PPM1L: variants seen among roughly 807,000 people sequenced by gnomAD.
PPM1L encodes the protein protein phosphatase 1L.
A neutral mutation model predicts 31.4 loss-of-function variants in PPM1L; 13 were observed. That is an observed-to-expected ratio of 0.41 (90% CI 0.27 to 0.66). PPM1L has a LOEUF of 0.66. Among genes scored for constraint, PPM1L ranks in the 30% least tolerant of loss-of-function variants. The pLI is 0.29. For synonymous variants in PPM1L, 184 were observed against 175.4 expected, an observed-to-expected ratio of 1.05 and a Z score of -0.39; for missense variants, 326 against 453.7, an observed-to-expected ratio of 0.72 and a Z score of 2.56.
At chr3:160,762,923 T>A (rs1268973297) in intron 1 of PPM1L, among the ~76,000 whole-genome samples, 1 of 152,186 alleles carries the variant, frequency 6.6e-6, no homozygotes, top group South Asian at 2.1e-4. Flanking sequence ...ATTTTTAAAT[T>A]AACTGTTTTT....
At position 161,069,033 on chromosome 3, in the gene PPM1L, G is replaced by A. The variant is rs763911613; in HGVS notation, c.959G>A (p.Arg320His). 1.7e-5 allele frequency: 28 copies of A among 1,613,982 alleles called. No individual in the cohort carries two copies. Among genetic ancestry groups the A allele is most frequent in the Middle Eastern group, 1.6e-4 (1 of 6,084 alleles). Residue 320 changes from arginine (R) to histidine (H), a missense_variant, in exon 4 of 4, where the codon CGC becomes CAC. Transcript: ENST00000498165. ...NEEAVRFIKE[R>H]LDEPHFGAKS... ...GAAGCAGTTCGATTCATCAAGGAGCGCTTGGATGAACCTCACTTTGGGGCC... is the reference window on the plus strand; with the variant it reads ...GAAGCAGTTCGATTCATCAAGGAGCACTTGGATGAACCTCACTTTGGGGCC...
rs149531563 is a variant in PPM1L, at chr3:160,902,996, A to G, written c.400-58740A>G. ...AAGTTTGAACCCAGCCCTGCTACCT[A>G]TAAACTGACTTGTGGGACCTTAGAT... On this transcript the variant is annotated intron_variant, in intron 1 of 3. Transcript: ENST00000498165. Among the ~76,000 whole-genome samples the G allele has an allele frequency of 5.8e-3, 887 of 152,276 alleles. 5 individuals carry two copies. Among genetic ancestry groups the G allele is most frequent in the Non-Finnish European group, 0.011 (717 of 68,014 alleles).
intron 1 of PPM1L, among the ~76,000 whole-genome samples, chr3:160,757,641 C>T (rs1164250780): frequency 1.3e-5 from 2 of 152,240 alleles, no homozygotes; most frequent in South Asian, 2.1e-4. Flanking sequence ...GTGGCTCTAG[C>T]GCCATGCTCC....
At chr3:160,836,547 CACAGAT>C (rs1382563634) in intron 1 of PPM1L, among the ~76,000 whole-genome samples, 5 of 152,202 alleles carry the variant, frequency 3.3e-5, no homozygotes, top group African/African-American at 1.2e-4. Flanking sequence ...ATCACTGACT[CACAGAT>C]ACAGAGAAAG....
intron 1 of PPM1L, among the ~76,000 whole-genome samples, chr3:160,840,759 GGAGAGAGAGAGAGAAAGA>G (rs1560122354): frequency 6.9e-6 from 1 of 145,404 alleles, no homozygotes; most frequent in African/African-American, 2.6e-5. Context: ...AGAGAAAGAA[GGAGAGAGAGAGAGAAAGA>G]GAGAGAGAGA....
At chr3:160,909,751 C>T (rs527488409) in intron 1 of PPM1L, among the ~76,000 whole-genome samples, 1 of 152,256 alleles carries the variant, frequency 6.6e-6, no homozygotes, top group African/African-American at 2.4e-5. Context: ...TCATAGAAGC[C>T]AAGGAGTCGG....
chr3:160,843,469 T>TATATATA (rs1713970089), intron 1 of PPM1L, among the ~76,000 whole-genome samples: 11 of 133,822 alleles, frequency 8.2e-5, no homozygotes, highest in Non-Finnish European at 1.1e-4. Context: ...TATATATATA[T>TATATATA]GTTTTTTTTA....
rs1720177222 is a variant in PPM1L, at chr3:161,078,413, G to C, written c.*9256G>C. On this transcript the variant is annotated 3_prime_UTR_variant, in exon 4 of 4. Transcript: ENST00000498165. ...TCACAAGGGATTATTTGTTTATAAA[G>C]AGATACAGGATCTATAATTTATTGG... is the stretch of plus-strand genomic sequence containing the variant. 6.6e-6 allele frequency: 1 copy of C among 152,164 alleles called. No homozygotes were observed. Among genetic ancestry groups the C allele is most frequent in the African/African-American group, 2.4e-5 (1 of 41,434 alleles). 9.4% of individuals were successfully genotyped at this position (152,164 alleles called of 1,614,324 possible).
intron 1 of PPM1L, among the ~76,000 whole-genome samples, chr3:160,877,933 C>T (rs1712573784): frequency 6.6e-6 from 1 of 152,128 alleles, no homozygotes; most frequent in Non-Finnish European, 1.5e-5. Flanking sequence ...GTAGTCTTTT[C>T]CTATTGGCAC....
intron 1 of PPM1L, among the ~76,000 whole-genome samples, chr3:160,945,130 TATC>T: frequency 3.3e-5 from 2 of 61,314 alleles, no homozygotes; most frequent in African/African-American, 1.3e-4. Flanking sequence ...TCTATCTATC[TATC>T]TATCTATCTA....
At position 161,073,246 on chromosome 3, in the gene PPM1L, A is replaced by G. The variant is rs1022816702; in HGVS notation, c.*4089A>G. 2.6e-4 allele frequency: 39 copies of G among 152,202 alleles called. No individual in the cohort carries two copies. The highest frequency in any genetic ancestry group is 8.9e-4 in the African/African-American group (37 of 41,464). The allele number at this position is 152,202 out of a possible 1,614,324, so 9.4% of individuals were successfully genotyped here. A position where few individuals can be genotyped will look rare whatever the true frequency, so the allele number is the denominator to read the frequency against. On this transcript the variant is annotated 3_prime_UTR_variant, in exon 4 of 4. Coordinates refer to ENST00000498165, the MANE Select transcript of PPM1L (RefSeq NM_139245.4). ...GTGAGGAGAGAAAAACACAACAAAT[A>G]TCTACTGTCAGTTAGCCCAGTGTTT... is the stretch of plus-strand genomic sequence containing the variant.
chr3:160,785,984 A>G (rs759074261), intron 1 of PPM1L, among the ~76,000 whole-genome samples: 1 of 151,166 alleles, frequency 6.6e-6, no homozygotes, highest in East Asian at 1.9e-4. Context: ...GGCAATATCT[A>G]TAAAAAAAAA....
chr3:161,066,642 G>A (rs550126562), intron 3 of PPM1L, among the ~76,000 whole-genome samples: 8 of 152,306 alleles, frequency 5.3e-5, no homozygotes, highest in Admixed American at 4.6e-4. Context: ...CAGACTGAGA[G>A]CTGCAGGATG....
chr3:160,800,157 G>T (rs1712380866), intron 1 of PPM1L, among the ~76,000 whole-genome samples: 1 of 152,088 alleles, frequency 6.6e-6, no homozygotes, highest in Non-Finnish European at 1.5e-5. Context: ...GTTATCTCAG[G>T]ATATTATTCA....
At chr3:161,047,751 G>A (rs1719131058) in intron 2 of PPM1L, among the ~76,000 whole-genome samples, 1 of 152,132 alleles carries the variant, frequency 6.6e-6, no homozygotes, top group South Asian at 2.1e-4. Context: ...ACAGACCAAT[G>A]TAACAGAACA....
At chr3:160,818,705 A>G (rs1713068059) in intron 1 of PPM1L, among the ~76,000 whole-genome samples, 1 of 151,792 alleles carries the variant, frequency 6.6e-6, no homozygotes, top group Non-Finnish European at 1.5e-5. Context: ...TTATTCATTT[A>G]TTTAGTTTTT....
intron 2 of PPM1L, among the ~76,000 whole-genome samples, chr3:161,022,657 C>CTTTT (rs71147399): frequency 2.8e-3 from 258 of 93,694 alleles, no homozygotes; most frequent in Non-Finnish European, 3.9e-3. Context: ...ATTTCTCCTT[C>CTTTT]TTTTTTTTTT....
chr3:160,785,462 T>C (rs1201540528), intron 1 of PPM1L, among the ~76,000 whole-genome samples: 1 of 152,134 alleles, frequency 6.6e-6, no homozygotes. Flanking sequence ...AAATGCTCAA[T>C]AAAAAACTTA....
At chr3:160,844,469 A>C (rs1206154138) in intron 1 of PPM1L, among the ~76,000 whole-genome samples, 3 of 152,198 alleles carry the variant, frequency 2.0e-5, no homozygotes, top group African/African-American at 7.2e-5. Flanking sequence ...ATGAAGGTAA[A>C]AATAGATAAT....
Sources: allele counts gnomAD v4.1 joint callset (sites outside exome capture counted in the v4.1 genomes callset), GRCh38; gene constraint gnomAD v4.1.1; transcripts MANE v1.5; gene names NCBI Gene and HGNC (gene_info 2026-07-23, HGNC 2026-07-21).